The following TENM3 variants were observed in gnomAD, a reference collection of about 807,000 sequenced individuals.
TENM3 encodes teneurin transmembrane protein 3.
In TENM3, 63 loss-of-function variants were observed where a neutral mutation model predicts 255.1. The observed-to-expected ratio is 0.25, with a 90% CI of 0.20 to 0.30. TENM3 has a LOEUF of 0.30. TENM3 is among the 10% of genes least tolerant of loss of function. TENM3 has a pLI of 1.00. For synonymous variants in TENM3, 1,306 were observed against 1,322.3 expected (o/e 0.99, Z 0.27); for missense variants, 2,929 against 3,461.1 (o/e 0.85, Z 3.86).
At chr4:182,119,464 G>C in the TENM3 span, among the ~76,000 whole-genome samples, 1 of 150,352 alleles carries the variant, frequency 6.7e-6, no homozygotes, top group African/African-American at 2.4e-5. Context: ...CCTGGCACTG[G>C]TTCCAGCAGA....
chr4:182,314,818 G>C (rs1173060675), intron 1 of TENM3, among the ~76,000 whole-genome samples: 3 of 152,078 alleles, frequency 2.0e-5, no homozygotes, highest in Admixed American at 6.6e-5. Flanking sequence ...ATTTGCATTT[G>C]ATCTGTACCA....
intron 3 of TENM3, among the ~76,000 whole-genome samples, chr4:182,393,999 T>A (rs1768625301): frequency 6.6e-6 from 1 of 152,276 alleles, no homozygotes; most frequent in South Asian, 2.1e-4. Flanking sequence ...AGTCTCAGAG[T>A]TACAATCCTA....
At chr4:182,310,149 G>GT (rs1193244486) in intron 1 of TENM3, among the ~76,000 whole-genome samples, 2 of 152,068 alleles carry the variant, frequency 1.3e-5, no homozygotes, top group Admixed American at 6.6e-5. Context: ...TATTGATATA[G>GT]TTTTTTCAGT....
At chr4:181,792,956 A>G in the TENM3 span, among the ~76,000 whole-genome samples, 1 of 152,054 alleles carries the variant, frequency 6.6e-6, no homozygotes. Context: ...CCTTGAAGTT[A>G]TAGACGGTTT....
At chr4:181,776,168 G>A in the TENM3 span, among the ~76,000 whole-genome samples, 2 of 152,018 alleles carry the variant, frequency 1.3e-5, no homozygotes, top group Non-Finnish European at 2.9e-5. Flanking sequence ...AGTGAGAACA[G>A]GCAATGTTTC....
the TENM3 span, chr4:181,522,842 G>A: frequency 2.6e-3 from 2,429 of 947,894 alleles, 37 homozygotes; most frequent in African/African-American, 0.033. Flanking sequence ...AATTTTCAAT[G>A]CAGGCTCTAA....
intron 4 of TENM3, among the ~76,000 whole-genome samples, chr4:182,619,067 A>G (rs1202610401): frequency 6.6e-6 from 1 of 152,150 alleles, no homozygotes; most frequent in East Asian, 1.9e-4. Flanking sequence ...ACAGCAAAAA[A>G]GATGAGGAAA....
chr4:182,445,763 C>T (rs148223337), intron 3 of TENM3, among the ~76,000 whole-genome samples: 5 of 152,218 alleles, frequency 3.3e-5, no homozygotes, highest in Admixed American at 2.6e-4. Flanking sequence ...TATGATTCCA[C>T]GTGGTTATTC....
the TENM3 span, among the ~76,000 whole-genome samples, chr4:181,540,131 G>A: frequency 6.6e-6 from 1 of 152,024 alleles, no homozygotes; most frequent in Non-Finnish European, 1.5e-5. Context: ...TACAAAGACA[G>A]AACAGACGCC....
At chr4:182,128,542 T>G in the TENM3 span, among the ~76,000 whole-genome samples, 1 of 152,152 alleles carries the variant, frequency 6.6e-6, no homozygotes, top group South Asian at 2.1e-4. Flanking sequence ...TAACTAGTGC[T>G]TCTATTGTTC....
At chr4:182,349,756 C>A (rs1765052598) in intron 3 of TENM3, 1 of 256,116 alleles carries the variant, frequency 3.9e-6, no homozygotes, top group South Asian at 4.0e-5. Context: ...ATTGCTCTAA[C>A]TTAAAAAGCT....
the TENM3 span, among the ~76,000 whole-genome samples, chr4:181,558,304 T>C: frequency 6.6e-6 from 1 of 152,308 alleles, no homozygotes; most frequent in Non-Finnish European, 1.5e-5. Context: ...CAGAGTATGA[T>C]GTCCTGTCAA....
chr4:181,997,657 G>A, the TENM3 span, among the ~76,000 whole-genome samples: 1 of 152,184 alleles, frequency 6.6e-6, no homozygotes, highest in Admixed American at 6.5e-5. Flanking sequence ...TCCACAGGCT[G>A]AAGGTGCATT....
In TENM3 at chr4:182,792,436, G is replaced by A. The variant is rs754142594; in HGVS notation, c.5764G>A (p.Ala1922Thr). ...RNIYNPPESNASIITDYNEEG... is the reference protein window; with the variant it reads ...RNIYNPPESNTSIITDYNEEG... ...CATATACAACCCCCCGGAAAGCAAC[G>A]CCTCCATCATCACGGACTACAACGA... Residue 1922 changes from alanine to threonine, a missense_variant, in exon 26 of 28, where the codon GCC becomes ACC. By Grantham distance (58) the Ala-to-Thr change is moderately conservative. This residue lies in a region of TENM3 where 303 missense variants were observed against 425.2 expected (regional missense o/e 0.71). Coordinates refer to ENST00000511685, the MANE Select transcript of TENM3 (RefSeq NM_001080477.4). The surrounding 1 kb of genome is among the most constrained non-coding windows in gnomAD (Gnocchi z 6.3). 1.4e-5 allele frequency: 23 copies of A among 1,613,982 alleles called. No homozygotes were observed. Among genetic ancestry groups the A allele is most frequent in the Non-Finnish European group, 1.8e-5 (21 of 1,179,902 alleles).
the TENM3 span, among the ~76,000 whole-genome samples, chr4:181,490,667 A>T: frequency 6.6e-6 from 1 of 152,212 alleles, no homozygotes; most frequent in African/African-American, 2.4e-5. Context: ...ACAGAAAATC[A>T]TTTCAGTAAA....
the TENM3 span, among the ~76,000 whole-genome samples, chr4:182,075,340 A>G: frequency 6.6e-6 from 1 of 151,782 alleles, no homozygotes; most frequent in African/African-American, 2.4e-5. Context: ...CTGGGACTAC[A>G]GGCACATGTC....
At chr4:182,251,599 T>G (rs2150118546) in intron 1 of TENM3, among the ~76,000 whole-genome samples, 1 of 152,384 alleles carries the variant, frequency 6.6e-6, no homozygotes, top group South Asian at 2.1e-4. Flanking sequence ...GTCACCCTTT[T>G]ACAACTCTGA....
chr4:182,554,055 T>C lies in TENM3; in HGVS notation c.512-46869T>C, dbSNP rs537805165. ...ACTTGTGGCCAATCTCAGACGCAAG[T>C]GTAAGTACGTACATAGAACCTGACA... is the stretch of plus-strand genomic sequence containing the variant. On this transcript the variant is annotated intron_variant, in intron 3 of 27. Coordinates refer to ENST00000511685, the MANE Select transcript of TENM3 (RefSeq NM_001080477.4). Among the ~76,000 whole-genome samples, 131 of 152,328 alleles carry C rather than the reference T, an allele frequency of 8.6e-4. 5 individuals are homozygous for C. The South Asian group carries it at 0.027, about 31-fold the overall frequency.
chr4:182,161,996 T>TAC (rs1751380976), intron 1 of TENM3, among the ~76,000 whole-genome samples: 1 of 118,780 alleles, frequency 8.4e-6, no homozygotes, highest in Admixed American at 9.6e-5. Context: ...TATATATATA[T>TAC]GATGCAAACA....
Sources: gnomAD v4.1 joint callset for allele counts (sites outside exome capture counted in the v4.1 genomes callset) on GRCh38, gnomAD v4.1.1 for gene constraint, gnomAD v4.1.1 regional missense constraint, Gnocchi (gnomAD v3.1) non-coding constraint, MANE v1.5 for transcripts, NCBI Gene and HGNC (gene_info 2026-07-23, HGNC 2026-07-21) for gene names.